Variants in NUP188 observed in about 807,000 individuals in gnomAD.
NUP188 encodes nucleoporin 188.
A neutral mutation model predicts 223.0 loss-of-function variants in NUP188; 97 were observed. The ratio of observed to expected loss-of-function variants is 0.43; its 90% CI spans 0.37 to 0.51. The LOEUF (loss-of-function observed/expected upper bound fraction) is 0.51. Ranked by LOEUF, NUP188 falls within the 20% of genes least tolerant of loss-of-function variation. The pLI is 0.00. For synonymous variants in NUP188, 869 were observed against 828.0 expected, an observed-to-expected ratio of 1.05 and a Z score of -0.85; for missense variants, 1,947 against 2,175.6, an observed-to-expected ratio of 0.89 and a Z score of 2.09.
At chr9:128,995,185 C>G in intron 29 of NUP188, 134 bp from the exon 30 acceptor site, 1 of 701,510 alleles carries the variant, frequency 1.4e-6, no homozygotes, top group Non-Finnish European at 2.5e-6. Context: ...CTAACCCACA[C>G]GTTGGAGGTG....
At chr9:128,999,503 C>A in intron 33 of NUP188, 121 bp from the exon 34 acceptor site, 1 of 1,202,648 alleles carries the variant, frequency 8.3e-7, no homozygotes, top group Non-Finnish European at 1.2e-6. Context: ...TCCCACTGGA[C>A]AGATGCTGTC....
At position 128,998,231 on chromosome 9, in the gene NUP188, A is replaced by G; in HGVS notation, c.3429+3A>G. On this transcript the variant is annotated splice_donor_region_variant and intron_variant, in intron 31 of 43. Coordinates refer to ENST00000372577, the MANE Select transcript of NUP188 (RefSeq NM_015354.3). ...TGCTTGATGGAACCAAAGCATTAGT[A>G]AGTGTGTCTGGGAGATTTTACATTT... is the stretch of plus-strand genomic sequence containing the variant. 6.2e-7 allele frequency: 1 copy of G among 1,611,260 alleles called. No homozygotes were observed. Among genetic ancestry groups the G allele is most frequent in the Non-Finnish European group, 8.5e-7 (1 of 1,177,412 alleles).
At chr9:128,958,922 C>A in intron 7 of NUP188, 28 bp downstream of exon 7, 1 of 1,471,810 alleles carries the variant, frequency 6.8e-7, no homozygotes. Flanking sequence ...TCTTGCTTCT[C>A]TTTATACTGT....
intron 19 of NUP188, among the ~76,000 whole-genome samples, chr9:128,984,554 T>C (rs1216088065): frequency 2.0e-5 from 3 of 152,216 alleles, no homozygotes; most frequent in Non-Finnish European, 2.9e-5. Context: ...ACAATCACTC[T>C]GTACTTTTTC....
In NUP188 at chr9:129,005,227, C is replaced by T. The variant is rs369016266; in HGVS notation, c.4509+6C>T. 1.3e-5 allele frequency: 21 copies of T among 1,613,560 alleles called. No homozygotes were observed. The highest frequency in any genetic ancestry group is 6.7e-5 in the Admixed American group (4 of 59,998). ...TGCTGCAGCATTACTTACAGGTAAG[C>T]GTCCTATGCCATGAGGTCCTGGAAT... On this transcript the variant is annotated splice_donor_region_variant and intron_variant, in intron 39 of 43. Transcript: ENST00000372577.
intron 11 of NUP188, among the ~76,000 whole-genome samples, chr9:128,971,917 A>T (rs1588276720): frequency 1.3e-5 from 2 of 151,954 alleles, no homozygotes; most frequent in South Asian, 4.1e-4. Flanking sequence ...GATTACAGGC[A>T]CCTGCCACCA....
At chr9:128,996,399 CT>C (rs916490017) in intron 30 of NUP188, among the ~76,000 whole-genome samples, 2 of 152,188 alleles carry the variant, frequency 1.3e-5, no homozygotes, top group African/African-American at 4.8e-5. Context: ...ATCCACCCAC[CT>C]CGGCCTCCCA....
intron 26 of NUP188, 51 bp downstream of exon 26, chr9:128,993,454 A>C (rs1564563698): frequency 5.6e-6 from 9 of 1,612,330 alleles, no homozygotes; most frequent in Non-Finnish European, 7.6e-6. Context: ...TGGGAGGCAG[A>C]TGCTGGGCTC....
chr9:129,005,593 A>C, intron 40 of NUP188, 52 bp from the exon 41 acceptor site: 1 of 1,611,310 alleles, frequency 6.2e-7, no homozygotes, highest in Non-Finnish European at 8.5e-7. Flanking sequence ...GTGTACCGAG[A>C]GCTACCTGGG....
At position 128,947,771 on chromosome 9, in the gene NUP188, G is replaced by T; in HGVS notation, c.32+20G>T. Reference sequence around the variant, plus strand: ...TGTGAGGTGCGGAGCGGGTCGAATGGACCGGGGTGGCTGTGAAGCGCGGTG... The same window carrying T: ...TGTGAGGTGCGGAGCGGGTCGAATGTACCGGGGTGGCTGTGAAGCGCGGTG... On this transcript the variant is annotated intron_variant, in intron 1 of 43. Coordinates refer to ENST00000372577, the MANE Select transcript of NUP188 (RefSeq NM_015354.3). The T allele has an allele frequency of 3.5e-6, 5 of 1,418,050 alleles. No individual in the cohort carries two copies. Among genetic ancestry groups the T allele is most frequent in the Non-Finnish European group, 4.6e-6 (5 of 1,087,246 alleles). 87.8% of individuals were successfully genotyped at this position (1,418,050 alleles called of 1,614,324 possible). A position where few individuals can be genotyped will look rare whatever the true frequency, so the allele number is the denominator to read the frequency against.
intron 36 of NUP188, among the ~76,000 whole-genome samples, chr9:129,002,264 C>G (rs1283270908): frequency 6.6e-6 from 1 of 152,228 alleles, no homozygotes; most frequent in Admixed American, 6.5e-5. Flanking sequence ...GACCAGGCCT[C>G]TAGCCAAGGC....
Position 129,002,868 on chromosome 9 carries a change from T to G in NUP188, c.4189T>G (p.Tyr1397Asp). Residue 1397 changes from tyrosine (Y) to aspartate (D), a missense_variant, in exon 37 of 44, where the codon TAC becomes GAC. Coordinates refer to ENST00000372577, the MANE Select transcript of NUP188 (RefSeq NM_015354.3). ...GGATGCCCCCTCTTGGCCAGGAGTC[T>G]ACCGCCTGTCCATGTCCCTGATGGA... is the stretch of plus-strand genomic sequence containing the variant. Reference protein sequence around the residue: ...SLDAPSWPGVYRLSMSLMEQL... With the variant: ...SLDAPSWPGVDRLSMSLMEQL... 2 of 1,614,216 alleles carry G rather than the reference T, an allele frequency of 1.2e-6. No homozygotes were observed. The highest frequency in any genetic ancestry group is 1.7e-6 in the Non-Finnish European group (2 of 1,180,022).
At chr9:128,972,217 G>A (rs1842114169) in intron 11 of NUP188, among the ~76,000 whole-genome samples, 2 of 152,190 alleles carry the variant, frequency 1.3e-5, no homozygotes, top group African/African-American at 4.8e-5. Context: ...CCTTCAGTAA[G>A]TATAACTAAA....
intron 12 of NUP188, among the ~76,000 whole-genome samples, chr9:128,973,914 G>C (rs1278705527): frequency 6.6e-6 from 1 of 151,774 alleles, no homozygotes; most frequent in African/African-American, 2.4e-5. Flanking sequence ...ATTTATTTAT[G>C]CATTTATTTT....
At chr9:129,001,380 G>C in intron 34 of NUP188, 149 bp from the exon 35 acceptor site, 1 of 666,156 alleles carries the variant, frequency 1.5e-6, no homozygotes. Context: ...GGGGCAGGGT[G>C]GGAGAGAGTG....
chr9:128,951,433 T>C (rs1239767924), intron 2 of NUP188, among the ~76,000 whole-genome samples: 1 of 151,578 alleles, frequency 6.6e-6, no homozygotes, highest in Admixed American at 6.6e-5. Context: ...GAGCCATGAT[T>C]GCATCACTGC....
At chr9:128,987,325 T>C (rs1842352335) in intron 22 of NUP188, among the ~76,000 whole-genome samples, 1 of 152,194 alleles carries the variant, frequency 6.6e-6, no homozygotes, top group South Asian at 2.1e-4. Flanking sequence ...TTAATGGTTC[T>C]ATGCATTCCA....
At chr9:128,994,291 A>G in intron 27 of NUP188, 82 bp from the exon 28 acceptor site, 1 of 899,848 alleles carries the variant, frequency 1.1e-6, no homozygotes, top group Non-Finnish European at 1.9e-6. Flanking sequence ...ATATGAAGTG[A>G]CCACCAAAGG....
chr9:128,976,052 A>G (rs928681973), intron 12 of NUP188, among the ~76,000 whole-genome samples: 2 of 152,018 alleles, frequency 1.3e-5, no homozygotes, highest in African/African-American at 4.8e-5. Flanking sequence ...CAAACTACTG[A>G]CCTCAAGTGA....
Sources: allele counts gnomAD v4.1 joint callset (sites outside exome capture counted in the v4.1 genomes callset), GRCh38; gene constraint gnomAD v4.1.1; transcripts MANE v1.5; gene names NCBI Gene and HGNC (gene_info 2026-07-23, HGNC 2026-07-21).